PFKL: variants seen among roughly 807,000 people sequenced by gnomAD.
The protein encoded by PFKL is ATP-dependent 6-phosphofructokinase, liver type.
In PFKL, 74 loss-of-function variants were observed where a neutral mutation model predicts 92.1. That is an observed-to-expected ratio of 0.80 (90% confidence interval 0.67 to 0.97). The LOEUF (loss-of-function observed/expected upper bound fraction) is 0.97. PFKL is among the 50% of genes least tolerant of loss of function. The pLI is 0.00. For synonymous variants in PFKL, 494 were observed against 456.4 expected (o/e 1.08, Z -1.05); for missense variants, 1,028 against 1,116.6 (o/e 0.92, Z 1.13).
rs1049441600 is a variant in PFKL at position 44,324,702 on chromosome 21, G to T, written c.1815+47G>T. 5 of 1,562,994 alleles carry T rather than the reference G, an allele frequency of 3.2e-6. No individual in the cohort carries two copies. The East Asian group carries it at 9.0e-5, about 28-fold the overall frequency. On this transcript the variant is annotated intron_variant, in intron 17 of 21. Transcript: ENST00000349048. ...CTGCGGCAGACCTGCCGGCATGCCA[G>T]CCTGGGCCCCAGACACTCAGGCCGG... is the stretch of plus-strand genomic sequence containing the variant.
intron 1 of PFKL, chr21:44,304,602 A>G (rs1480975015): frequency 1.1e-6 from 1 of 941,382 alleles, no homozygotes. Flanking sequence ...CACTCACAGC[A>G]CCACCTTGGA....
At chr21:44,307,893 G>A (rs73372426) in intron 2 of PFKL, among the ~76,000 whole-genome samples, 1,699 of 152,302 alleles carry the variant, frequency 0.011, 36 homozygotes, top group African/African-American at 0.039. Context: ...AGGGTTTTCC[G>A]GAACCCCCAC....
At chr21:44,324,770 G>C (rs1210949232) in intron 17 of PFKL, 86 bp from the exon 18 acceptor site, 1 of 1,579,032 alleles carries the variant, frequency 6.3e-7, no homozygotes, top group Non-Finnish European at 8.7e-7. Flanking sequence ...GCGTAGCCCA[G>C]TGCTCCTGCT....
chr21:44,307,263 C>T, intron 2 of PFKL: 1 of 985,182 alleles, frequency 1.0e-6, no homozygotes, highest in Non-Finnish European at 1.2e-6. Flanking sequence ...CCCGCAGGAG[C>T]AGCGGATGCC....
At chr21:44,311,189 AACAC>A (rs373832610) in intron 3 of PFKL, 106 bp downstream of exon 3, 20 of 785,412 alleles carry the variant, frequency 2.5e-5, no homozygotes, top group African/African-American at 5.5e-5. Context: ...CACGTGCACA[AACAC>A]ACACATGCAG....
At chr21:44,319,651 T>C in intron 11 of PFKL, 2 of 575,834 alleles carry the variant, frequency 3.5e-6, no homozygotes, top group South Asian at 4.2e-5. Flanking sequence ...GATCTGGGCA[T>C]GGCGAGGGGA....
chr21:44,313,154 C>A lies in PFKL; in HGVS notation c.593+11C>A. 6.2e-7 allele frequency: 1 copy of A among 1,611,790 alleles called. No homozygotes were observed. The highest frequency in any genetic ancestry group is 8.5e-7 in the Non-Finnish European group (1 of 1,179,564). On this transcript the variant is annotated intron_variant, in intron 5 of 21. Coordinates refer to ENST00000349048, the MANE Select transcript of PFKL (RefSeq NM_002626.6). ...CACCACTGCCCAGAGGTGAGTGAGGCTGGCGCCGGCGGCCAGCCCAGGGCC... is the reference window on the plus strand; with the variant it reads ...CACCACTGCCCAGAGGTGAGTGAGGATGGCGCCGGCGGCCAGCCCAGGGCC...
chr21:44,310,600 C>T (rs572832765), intron 2 of PFKL, among the ~76,000 whole-genome samples: 38 of 152,308 alleles, frequency 2.5e-4, no homozygotes, highest in African/African-American at 6.3e-4. Flanking sequence ...GAAGGAGCCA[C>T]GCACAGCAGC....
At chr21:44,324,995 GGGCAGGAGAA>G in intron 18 of PFKL, 78 bp downstream of exon 18, 3 of 1,418,702 alleles carry the variant, frequency 2.1e-6, no homozygotes, top group Non-Finnish European at 2.9e-6. Context: ...AGGAGCGGCT[GGGCAGGAGAA>G]GGCAGGAGGG....
At chr21:44,301,243 G>T (rs1278018371) in intron 1 of PFKL, among the ~76,000 whole-genome samples, 1 of 152,154 alleles carries the variant, frequency 6.6e-6, no homozygotes, top group Non-Finnish European at 1.5e-5. Context: ...TCTGAACCCC[G>T]GCCTGCAGAG....
chr21:44,326,633 G>T lies in PFKL; in HGVS notation c.2196-82G>T, dbSNP rs1019097496. On this transcript the variant is annotated intron_variant, in intron 21 of 21. Coordinates refer to ENST00000349048, the MANE Select transcript of PFKL (RefSeq NM_002626.6). The stretch of plus-strand genomic sequence containing the variant: ...GCATGCACAGGCTGCAGGGTCGGGG[G>T]GGGTGGGGGGGCTGGGGACGTGGCT... The T allele has an allele frequency of 9.4e-5, 135 of 1,436,786 alleles. 1 individual carries two copies. In the East Asian group the frequency reaches 1.1e-3, roughly 12 times the overall value. The allele number at this position is 1,436,786 out of a possible 1,614,324, so 89.0% of individuals were successfully genotyped here.
At chr21:44,305,682 C>T (rs2040913884) in intron 1 of PFKL, 1 of 1,070,972 alleles carries the variant, frequency 9.3e-7, no homozygotes, top group East Asian at 5.5e-5. Context: ...TCTTGGCTGC[C>T]CCTTTTGTAT....
Position 44,300,128 on chromosome 21 carries a change from A to T in PFKL, c.23A>T (p.Lys8Met). The T allele has an allele frequency of 8.4e-7, 1 of 1,186,236 alleles. No homozygotes were observed. The allele number at this position is 1,186,236 out of a possible 1,614,324, so 73.5% of individuals were successfully genotyped here. A position where few individuals can be genotyped will look rare whatever the true frequency, so the allele number is the denominator to read the frequency against. The change falls in exon 1 of 22, where the codon AAG (lysine) becomes ATG (methionine). Residue 8 changes from lysine (K) to methionine (M), a missense_variant. Coordinates refer to ENST00000349048, the MANE Select transcript of PFKL (RefSeq NM_002626.6). ...GCCATGGCCGCGGTGGACCTGGAGA[A>T]GCTGCGGGCGTCGGGCGCGGGCAAG... MAAVDLEKLRASGAGKAI... is the reference protein window; with the variant it reads MAAVDLEMLRASGAGKAI...
intron 13 of PFKL, 21 bp downstream of exon 13, chr21:44,321,896 C>G (rs1244940202): frequency 6.6e-7 from 1 of 1,516,650 alleles, no homozygotes; most frequent in Non-Finnish European, 8.8e-7. Context: ...CCGGGGCAAA[C>G]AAGTGAGGAC....
chr21:44,318,807 TGTCGGAGCTGCAGG>T (rs984714300), intron 10 of PFKL, among the ~76,000 whole-genome samples: 1 of 152,078 alleles, frequency 6.6e-6, no homozygotes, highest in Non-Finnish European at 1.5e-5. Context: ...CCAGGAGGTG[TGTCGGAGCTGCAGG>T]GAGCCTGGTG....
At chr21:44,312,800 C>T (rs1013403942) in intron 4 of PFKL, among the ~76,000 whole-genome samples, 178 bp from the exon 5 acceptor site, 4 of 152,196 alleles carry the variant, frequency 2.6e-5, no homozygotes, top group Non-Finnish European at 4.4e-5. Context: ...TTGGCCCCAG[C>T]GGATCCAGCC....
At chr21:44,309,682 C>T (rs1041537489) in intron 2 of PFKL, among the ~76,000 whole-genome samples, 1 of 152,202 alleles carries the variant, frequency 6.6e-6, no homozygotes, top group East Asian at 1.9e-4. Flanking sequence ...TGGTGGCCTC[C>T]TGCTCAGGTG....
intron 2 of PFKL, among the ~76,000 whole-genome samples, chr21:44,307,996 TTGCCG>T (rs2041001516): frequency 6.6e-6 from 1 of 152,192 alleles, no homozygotes. Flanking sequence ...AAGAGGCACT[TTGCCG>T]TGCCTAGAGT....
At chr21:44,311,927 GGA>G (rs1266351430) in intron 3 of PFKL, among the ~76,000 whole-genome samples, 176 bp from the exon 4 acceptor site, 1 of 152,208 alleles carries the variant, frequency 6.6e-6, no homozygotes. Context: ...GTCTCTCCAA[GGA>G]GAGAGGCCCA....
Sources: gnomAD v4.1 joint callset for allele counts (sites outside exome capture counted in the v4.1 genomes callset) on GRCh38, gnomAD v4.1.1 for gene constraint, MANE v1.5 for transcripts, NCBI Gene and HGNC (gene_info 2026-07-23, HGNC 2026-07-21) for gene names.